ADAMTS9: variants seen among roughly 807,000 people sequenced by gnomAD.
ADAMTS9 encodes the protein ADAM metallopeptidase with thrombospondin type 1 motif 9, also known as A disintegrin and metalloproteinase with thrombospondin motifs 9.
A neutral mutation model predicts 257.1 loss-of-function variants in ADAMTS9; 107 were observed. The observed-to-expected ratio is 0.42, with a 90% CI of 0.36 to 0.49. The LOEUF is 0.49. Among genes scored for constraint, ADAMTS9 ranks in the 20% least tolerant of loss-of-function variants. ADAMTS9 has a pLI of 0.03. For synonymous variants in ADAMTS9, 982 were observed against 880.9 expected (o/e 1.11, Z -2.03); for missense variants, 2,353 against 2,469.1 (o/e 0.95, Z 1.00).
chr3:64,638,548 G>T (rs1253823625), intron 12 of ADAMTS9, among the ~76,000 whole-genome samples: 1 of 152,134 alleles, frequency 6.6e-6, no homozygotes, highest in Non-Finnish European at 1.5e-5. Flanking sequence ...GACTGTCCTT[G>T]TAAACCAGAA....
At position 64,534,443 on chromosome 3, in the gene ADAMTS9, T is replaced by C. The variant is rs186670047; in HGVS notation, c.5614-1173A>G. Among the ~76,000 whole-genome samples, 4 of 152,318 alleles carry C rather than the reference T, an allele frequency of 2.6e-5. No homozygotes were observed. In the East Asian group the frequency reaches 5.8e-4, roughly 22 times the overall value. On this transcript the variant is annotated intron_variant, in intron 37 of 39. Coordinates refer to ENST00000498707, the MANE Select transcript of ADAMTS9 (RefSeq NM_182920.2). ...GTAAGTGTTCGTGTGATCTCTTCAA[T>C]GTAACAGTAAGCTTATTGAGAGCAG...
chr3:64,662,634 T>C (rs1198222282), intron 3 of ADAMTS9, among the ~76,000 whole-genome samples: 2 of 152,176 alleles, frequency 1.3e-5, no homozygotes, highest in Non-Finnish European at 2.9e-5. Context: ...TAAATTGACT[T>C]TTTTATCATT....
chr3:64,637,176 C>G (rs1046542736), intron 12 of ADAMTS9, among the ~76,000 whole-genome samples: 2 of 152,164 alleles, frequency 1.3e-5, no homozygotes, highest in African/African-American at 4.8e-5. Flanking sequence ...AGATTGCTGC[C>G]TGATTTACAT....
chr3:64,672,988 ACAGT>A (rs1358204038), intron 3 of ADAMTS9, among the ~76,000 whole-genome samples: 2 of 152,230 alleles, frequency 1.3e-5, no homozygotes, highest in African/African-American at 2.4e-5. Flanking sequence ...AGTATTCAGT[ACAGT>A]CACATACTGT....
intron 3 of ADAMTS9, among the ~76,000 whole-genome samples, chr3:64,664,232 T>C (rs1273259883): frequency 6.6e-6 from 1 of 152,220 alleles, no homozygotes; most frequent in African/African-American, 2.4e-5. Flanking sequence ...TCTTCTTTTT[T>C]TCCTCCTACG....
rs772032645 is a variant in ADAMTS9 at position 64,658,682 on chromosome 3, T to C, written c.789A>G (p.Thr263=). Reference sequence around the variant, plus strand: ...TATTACCATAAGCAGAAAATGCCTCTGTTGCTAAGCCGCTGTTTAATGCTG... The same window carrying C: ...TATTACCATAAGCAGAAAATGCCTCCGTTGCTAAGCCGCTGTTTAATGCTG... ...DVAALNSGLA[T]EAFSAYGNKT... The change falls in exon 4 of 40, where the codon ACA becomes ACG. Residue 263 remains threonine (T), a synonymous_variant. Transcript: ENST00000498707. The C allele has an allele frequency of 5.0e-6, 8 of 1,614,148 alleles. No homozygotes were observed. The highest frequency in any genetic ancestry group is 6.8e-6 in the Non-Finnish European group (8 of 1,180,030).
intron 28 of ADAMTS9, among the ~76,000 whole-genome samples, chr3:64,580,358 T>C (rs1373610887): frequency 6.6e-6 from 1 of 152,150 alleles, no homozygotes; most frequent in African/African-American, 2.4e-5. Flanking sequence ...CTAAAACCAA[T>C]ACCGAGCCCA....
intron 28 of ADAMTS9, among the ~76,000 whole-genome samples, chr3:64,584,376 A>G (rs1174634741): frequency 2.0e-5 from 3 of 152,026 alleles, no homozygotes; most frequent in Non-Finnish European, 4.4e-5. Context: ...GGGAGGAGGG[A>G]GGAGGAGAGA....
At chr3:64,568,289 G>A in intron 29 of ADAMTS9, 79 bp downstream of exon 29, 1 of 1,497,128 alleles carries the variant, frequency 6.7e-7, no homozygotes, top group South Asian at 1.3e-5. Context: ...ACCGTGCATA[G>A]AAACACAAGT....
At chr3:64,571,381 T>C (rs920658990) in intron 28 of ADAMTS9, among the ~76,000 whole-genome samples, 5 of 152,238 alleles carry the variant, frequency 3.3e-5, no homozygotes, top group African/African-American at 9.6e-5. Flanking sequence ...CACAAATGAA[T>C]ACATTTCTGT....
rs183219915 is a variant in ADAMTS9, at chr3:64,687,771, C to A, written c.-114G>T. ...AGAGCGCGCGGAGCCCGGCGCCCGC[C>A]GCCAACTTTTGACTTTAGGAGTCGC... is the stretch of plus-strand genomic sequence containing the variant. On this transcript the variant is annotated 5_prime_UTR_variant, in exon 1 of 40. Coordinates refer to ENST00000498707, the MANE Select transcript of ADAMTS9 (RefSeq NM_182920.2). This position sits in a 1 kb window ranked among gnomAD's most constrained non-coding sequence, Gnocchi z 4.4. The A allele has an allele frequency of 3.7e-6, 3 of 810,244 alleles. No homozygotes were observed. Among genetic ancestry groups the A allele is most frequent in the East Asian group, 3.3e-5 (1 of 29,992 alleles). 50.2% of individuals were successfully genotyped at this position (810,244 alleles called of 1,614,324 possible). A position where few individuals can be genotyped will look rare whatever the true frequency, so the allele number is the denominator to read the frequency against.
chr3:64,540,420 TG>T (rs2083105416), intron 36 of ADAMTS9, among the ~76,000 whole-genome samples: 1 of 152,224 alleles, frequency 6.6e-6, no homozygotes, highest in African/African-American at 2.4e-5. Flanking sequence ...CCAACAGAGA[TG>T]CAGTGTTGGC....
chr3:64,634,788 C>T (rs895913536), intron 12 of ADAMTS9, among the ~76,000 whole-genome samples: 1 of 152,168 alleles, frequency 6.6e-6, no homozygotes, highest in African/African-American at 2.4e-5. Context: ...ATTTTTCACC[C>T]TTTTTCCTTT....
At chr3:64,628,751 C>G (rs4371512) in intron 16 of ADAMTS9, among the ~76,000 whole-genome samples, 80,834 of 151,972 alleles carry the variant, frequency 0.53, 23,058 homozygotes, top group African/African-American at 0.75. Context: ...CATTTTCAAG[C>G]TAACCCCATT....
intron 23 of ADAMTS9, among the ~76,000 whole-genome samples, chr3:64,606,131 T>G (rs2106819800): frequency 6.6e-6 from 1 of 152,370 alleles, no homozygotes; most frequent in South Asian, 2.1e-4. Context: ...ATGTCTTTGC[T>G]GAATCAGATA....
intron 3 of ADAMTS9, among the ~76,000 whole-genome samples, chr3:64,663,905 A>G (rs1018459519): frequency 6.6e-6 from 1 of 152,134 alleles, no homozygotes; most frequent in African/African-American, 2.4e-5. Flanking sequence ...CCATTTTAGC[A>G]AGCAACTTTG....
chr3:64,598,661 T>TA (rs1485971627), intron 26 of ADAMTS9, among the ~76,000 whole-genome samples: 1 of 152,094 alleles, frequency 6.6e-6, no homozygotes, highest in Middle Eastern at 3.2e-3. Context: ...TAGTACATAA[T>TA]AAAAAACAGA....
At chr3:64,614,654 A>G (rs1391880919) in intron 21 of ADAMTS9, among the ~76,000 whole-genome samples, 2 of 152,100 alleles carry the variant, frequency 1.3e-5, no homozygotes, top group African/African-American at 4.8e-5. Context: ...GGCTGTGTTA[A>G]CACTGGGCTG....
chr3:64,633,474 G>A lies in ADAMTS9; in HGVS notation c.2173C>T (p.Arg725Trp), dbSNP rs374662732. The stretch of plus-strand genomic sequence containing the variant: ...AGAAAACACCATCAAGGACTTACCC[G>A]GCAAAGGCCCTGGACACAGATATCA... Reference protein sequence around the residue: ...TNDICVQGLCRQAGCDHVLNS... With the variant: ...TNDICVQGLCWQAGCDHVLNS... The change falls in exon 14 of 40, where the codon CGG (arginine) becomes TGG (tryptophan). Residue 725 changes from arginine (R) to tryptophan (W), a missense_variant and splice_region_variant. Physicochemically the swap from Arg to Trp is moderately radical, Grantham distance 101. Coordinates refer to ENST00000498707, the MANE Select transcript of ADAMTS9 (RefSeq NM_182920.2). 1.8e-5 allele frequency: 29 copies of A among 1,613,934 alleles called. No individual in the cohort carries two copies. Among genetic ancestry groups the A allele is most frequent in the South Asian group, 4.4e-5 (4 of 91,074 alleles).
Sources: gnomAD v4.1 joint callset for allele counts (sites outside exome capture counted in the v4.1 genomes callset) on GRCh38, gnomAD v4.1.1 for gene constraint, Gnocchi (gnomAD v3.1) non-coding constraint, MANE v1.5 for transcripts, NCBI Gene and HGNC (gene_info 2026-07-23, HGNC 2026-07-21) for gene names.